NPEPL1: variants seen among roughly 807,000 people sequenced by gnomAD.
NPEPL1 encodes probable aminopeptidase NPEPL1.
A neutral mutation model predicts 52.4 loss-of-function variants in NPEPL1; 45 were observed. The observed-to-expected ratio is 0.86, with a 90% confidence interval of 0.68 to 1.10. The LOEUF is 1.10. Among genes scored for constraint, NPEPL1 ranks in the 50% least tolerant of loss-of-function variants. The pLI, the probability that NPEPL1 is intolerant of heterozygous loss-of-function variation, is 0.00. For missense variants in NPEPL1, 696 were observed against 710.9 expected (o/e 0.98, Z 0.24); for synonymous variants, 360 against 314.7 (o/e 1.14, Z -1.52).
At chr20:58,699,379 C>A in intron 5 of NPEPL1, 101 bp downstream of exon 5, 1 of 852,030 alleles carries the variant, frequency 1.2e-6, no homozygotes, top group Non-Finnish European at 1.8e-6. Context: ...TTGTCCCAAA[C>A]TTCATCCTGC....
upstream of NPEPL1, chr20:58,691,688 C>CTTTTTTT: frequency 1.4e-6 from 1 of 696,548 alleles, no homozygotes; most frequent in Non-Finnish European, 2.1e-6. Flanking sequence ...TTCTTTTTTT[C>CTTTTTTT]TTTTCTTTTT....
rs113305812 is a variant in NPEPL1 at position 58,711,941 on chromosome 20, T to A, written c.901-538T>A. Among the ~76,000 whole-genome samples the A allele has an allele frequency of 8.2e-3, 1,071 of 130,018 alleles. 12 individuals are homozygous for A. Among genetic ancestry groups the A allele is most frequent in the African/African-American group, 0.024 (984 of 40,204 alleles). The allele number at this position is 130,018 out of a possible 152,430, so 85.3% of individuals were successfully genotyped here. ...TCCATTTGACATTGCTGCCCGGGTG[T>A]GGCCCGCTTCGGGGTCAGGGGGCAC... On this transcript the variant is annotated intron_variant, in intron 7 of 11. Coordinates refer to ENST00000356091, the MANE Select transcript of NPEPL1 (RefSeq NM_024663.4).
intron 3 of NPEPL1, among the ~76,000 whole-genome samples, chr20:58,694,988 TG>T (rs1240808367): frequency 3.4e-5 from 5 of 148,108 alleles, no homozygotes; most frequent in Admixed American, 1.4e-4. Context: ...GTTGTATGTG[TG>T]GGGGGTGTGT....
chr20:58,701,376 G>GA (rs2084617893), intron 6 of NPEPL1, among the ~76,000 whole-genome samples: 1 of 134,240 alleles, frequency 7.4e-6, no homozygotes, highest in African/African-American at 3.5e-5. Context: ...GTGCCCTGGG[G>GA]GGGGGGGAGG....
At chr20:58,701,308 GGGGTT>G (rs1474860851) in intron 6 of NPEPL1, 150 bp downstream of exon 6, 34 of 239,784 alleles carry the variant, frequency 1.4e-4, no homozygotes, top group African/African-American at 1.3e-3. Flanking sequence ...AGGGTGCCCT[GGGGTT>G]GGGGTGGGGT....
chr20:58,712,455 G>T, intron 7 of NPEPL1, 24 bp from the exon 8 acceptor site: 6 of 1,552,368 alleles, frequency 3.9e-6, no homozygotes, highest in Non-Finnish European at 5.3e-6. Flanking sequence ...TACAACTGGA[G>T]CCTCTGCCCA....
rs1358913843 is a variant in NPEPL1, at chr20:58,701,375, G to T, written c.822+217G>T. Among the ~76,000 whole-genome samples the T allele has an allele frequency of 1.5e-3, 220 of 146,778 alleles. 2 individuals carry two copies. The highest frequency in any genetic ancestry group is 5.2e-3 in the African/African-American group (206 of 39,480). ...CGGCAGGCTCTCCAGGGTGCCCTGG[G>T]GGGGGGGGAGGGGCCCAGTTTGGGT... On this transcript the variant is annotated intron_variant, in intron 6 of 11. Coordinates refer to ENST00000356091, the MANE Select transcript of NPEPL1 (RefSeq NM_024663.4).
chr20:58,712,810 C>T, intron 8 of NPEPL1: 3 of 640,974 alleles, frequency 4.7e-6, no homozygotes, highest in Non-Finnish European at 8.6e-6. Context: ...CAGTGCCTGG[C>T]CCAGGAGCTC....
chr20:58,714,633 T>C lies in NPEPL1; in HGVS notation c.1376T>C (p.Val459Ala). 2 of 1,595,644 alleles carry C rather than the reference T, an allele frequency of 1.3e-6. No individual in the cohort carries two copies. The highest frequency in any genetic ancestry group is 1.7e-6 in the Non-Finnish European group (2 of 1,172,874). ...CACATCGGCTTCGACTGGCCCGGAG[T>C]CTGGGTCCACCTGGACATTGCTGCA... Reference protein sequence around the residue: ...ASHIGFDWPGVWVHLDIAAPV... With the variant: ...ASHIGFDWPGAWVHLDIAAPV... Residue 459 changes from valine (V) to alanine (A), a missense_variant, in exon 11 of 12, where the codon GTC becomes GCC. Transcript: ENST00000356091.
chr20:58,707,287 C>A, intron 7 of NPEPL1, 87 bp downstream of exon 7: 1 of 1,217,206 alleles, frequency 8.2e-7, no homozygotes, highest in Non-Finnish European at 1.1e-6. Context: ...CCGCCACAGG[C>A]CCCACCAGGG....
At chr20:58,694,173 C>G (rs1369562880) in intron 2 of NPEPL1, among the ~76,000 whole-genome samples, 1 of 152,230 alleles carries the variant, frequency 6.6e-6, no homozygotes, top group African/African-American at 2.4e-5. Context: ...CCCTCTGTCC[C>G]TCATTTTCAT....
chr20:58,711,455 GAC>G (rs1278352015), intron 7 of NPEPL1: 2 of 152,248 alleles, frequency 1.3e-5, no homozygotes, highest in Admixed American at 6.5e-5. Context: ...CCGTGTCCCT[GAC>G]ACAGGCTGGG....
At chr20:58,694,918 G>C (rs904330045) in intron 3 of NPEPL1, among the ~76,000 whole-genome samples, 1 of 150,446 alleles carries the variant, frequency 6.6e-6, no homozygotes, top group Admixed American at 6.7e-5. Flanking sequence ...ATGTATGCAC[G>C]TGTGTGTGTA....
rs189547973 is a variant in NPEPL1, at chr20:58,707,908, G to A, written c.900+708G>A. On this transcript the variant is annotated intron_variant, in intron 7 of 11. Coordinates refer to ENST00000356091, the MANE Select transcript of NPEPL1 (RefSeq NM_024663.4). Reference sequence around the variant, plus strand: ...ACCCATAGCAACCTTGCAAGACCCCGTTTCTATAAAAAAAAATTTAAAAAC... The same window carrying A: ...ACCCATAGCAACCTTGCAAGACCCCATTTCTATAAAAAAAAATTTAAAAAC... Among the ~76,000 whole-genome samples, 450 of 152,216 alleles carry A rather than the reference G, an allele frequency of 3.0e-3. 3 individuals carry two copies. The highest frequency in any genetic ancestry group is 0.01 in the African/African-American group (428 of 41,530).
upstream of NPEPL1, among the ~76,000 whole-genome samples, chr20:58,692,425 G>A (rs2084367039): frequency 6.6e-6 from 1 of 152,198 alleles, no homozygotes; most frequent in South Asian, 2.1e-4. The surrounding 1 kb of genome is among the most constrained non-coding windows in gnomAD (Gnocchi z 5.7). Context: ...AAAAGCAGCT[G>A]CTAAGGGACC....
At chr20:58,696,771 G>A (rs2084501187) in intron 3 of NPEPL1, among the ~76,000 whole-genome samples, 1 of 152,268 alleles carries the variant, frequency 6.6e-6, no homozygotes, top group African/African-American at 2.4e-5. Context: ...GCCCTGCGCT[G>A]AGGCAGGAGT....
At chr20:58,692,149 G>A (rs2084361799), upstream of NPEPL1, 4 of 390,676 alleles carry the variant, frequency 1.0e-5, no homozygotes, top group African/African-American at 2.0e-5. This position sits in a 1 kb window ranked among gnomAD's most constrained non-coding sequence, Gnocchi z 5.7. Flanking sequence ...GCCAGGCAGT[G>A]CCTGGATTTG....
chr20:58,694,659 C>A, intron 3 of NPEPL1, 67 bp downstream of exon 3: 1 of 1,467,818 alleles, frequency 6.8e-7, no homozygotes, highest in South Asian at 1.3e-5. Context: ...GGAGGGAGGT[C>A]GGGAGAGGGA....
At chr20:58,691,722 A>C, upstream of NPEPL1, 1 of 437,650 alleles carries the variant, frequency 2.3e-6, no homozygotes, top group Non-Finnish European at 3.8e-6. Flanking sequence ...TTTCATTTTT[A>C]GGCTGGTTAT....
Sources: allele counts gnomAD v4.1 joint callset (sites outside exome capture counted in the v4.1 genomes callset), GRCh38; gene constraint gnomAD v4.1.1; non-coding constraint Gnocchi (gnomAD v3.1); transcripts MANE v1.5; gene names NCBI Gene and HGNC (gene_info 2026-07-23, HGNC 2026-07-21).